NAALADL2: variants seen among roughly 807,000 people sequenced by gnomAD.
The protein encoded by NAALADL2 is inactive N-acetylated-alpha-linked acidic dipeptidase-like protein 2.
Under a neutral mutation model 87.2 loss-of-function variants are expected in NAALADL2, and 76 were observed. The ratio of observed to expected loss-of-function variants is 0.87; its 90% CI spans 0.72 to 1.05. NAALADL2 has a LOEUF of 1.05. Among genes scored for constraint, NAALADL2 ranks in the 50% least tolerant of loss-of-function variants. The pLI, the probability that NAALADL2 is intolerant of heterozygous loss-of-function variation, is 0.00. For synonymous variants in NAALADL2, 354 were observed against 331.0 expected (o/e 1.07, Z -0.75); for missense variants, 1,089 against 945.8 (o/e 1.15, Z -1.99).
intron 1 of NAALADL2, among the ~76,000 whole-genome samples, chr3:175,060,283 C>A (rs1713148003): frequency 6.6e-6 from 1 of 152,138 alleles, no homozygotes; most frequent in African/African-American, 2.4e-5. Context: ...TCCTATTTCA[C>A]TTATAAACAT....
At chr3:175,000,926 A>G (rs1363930240) in intron 1 of NAALADL2, among the ~76,000 whole-genome samples, 1 of 152,196 alleles carries the variant, frequency 6.6e-6, no homozygotes, top group East Asian at 1.9e-4. Flanking sequence ...AGAAGACAGG[A>G]AGCAATATGT....
intron 1 of NAALADL2, among the ~76,000 whole-genome samples, chr3:174,949,438 C>T (rs1739994933): frequency 6.6e-6 from 1 of 152,046 alleles, no homozygotes; most frequent in Non-Finnish European, 1.5e-5. Context: ...GGTAGAGTGT[C>T]AAAGTCACAC....
intron 2 of NAALADL2, among the ~76,000 whole-genome samples, chr3:174,647,004 A>G (rs1368529177): frequency 6.6e-6 from 1 of 152,036 alleles, no homozygotes; most frequent in East Asian, 1.9e-4. Context: ...TTCTTTTCCT[A>G]CTAATTAGTC....
chr3:174,521,529 G>A (rs1258136505), intron 1 of NAALADL2, among the ~76,000 whole-genome samples: 27 of 133,624 alleles, frequency 2.0e-4, no homozygotes, highest in African/African-American at 7.2e-4. Context: ...CCAAGATCGT[G>A]CCACTGCACT....
chr3:175,118,534 A>G (rs1456615790), intron 2 of NAALADL2, among the ~76,000 whole-genome samples: 1 of 151,836 alleles, frequency 6.6e-6, no homozygotes, highest in Non-Finnish European at 1.5e-5. Context: ...TAAACAAACC[A>G]TTAAATTGTG....
At chr3:174,797,057 A>G (rs1459883371) in intron 3 of NAALADL2, among the ~76,000 whole-genome samples, 1 of 152,066 alleles carries the variant, frequency 6.6e-6, no homozygotes, top group African/African-American at 2.4e-5. Context: ...AGAGTTCTTC[A>G]TAGATTTTCT....
intron 1 of NAALADL2, among the ~76,000 whole-genome samples, chr3:174,934,081 A>C (rs1357568485): frequency 6.6e-6 from 1 of 152,182 alleles, no homozygotes; most frequent in African/African-American, 2.4e-5. Flanking sequence ...GCTGTGTCCA[A>C]CACACAAGTT....
At chr3:174,618,103 C>G (rs1720649118) in intron 2 of NAALADL2, among the ~76,000 whole-genome samples, 1 of 151,608 alleles carries the variant, frequency 6.6e-6, no homozygotes, top group Non-Finnish European at 1.5e-5. Context: ...TTCTTGGATG[C>G]CTTTTAAGAA....
intron 1 of NAALADL2, among the ~76,000 whole-genome samples, chr3:174,942,685 T>C (rs55934010): frequency 0.13 from 20,069 of 152,180 alleles, 2,771 homozygotes; most frequent in African/African-American, 0.36. Flanking sequence ...TTCATATATT[T>C]AGCCTCTTTA....
Position 175,001,341 on chromosome 3 carries a change from C to T in NAALADL2, c.44-95449C>T, listed in dbSNP as rs187393818. 1.3e-3 allele frequency among the ~76,000 whole-genome samples: 192 copies of T among 152,022 alleles called. 3 individuals are homozygous for T. The East Asian group carries it at 0.035, about 27-fold the overall frequency. ...TTTGAGTAGCAAAGTATCCTTGCCCCATCTTGGGGCTCACTCCAGATCTCA... is the reference window on the plus strand; with the variant it reads ...TTTGAGTAGCAAAGTATCCTTGCCCTATCTTGGGGCTCACTCCAGATCTCA... On this transcript the variant is annotated intron_variant, in intron 1 of 13. Transcript: ENST00000454872.
chr3:175,099,825 A>G (rs1442870839), intron 2 of NAALADL2, among the ~76,000 whole-genome samples: 1 of 152,144 alleles, frequency 6.6e-6, no homozygotes, highest in Non-Finnish European at 1.5e-5. Context: ...AATGGACTAA[A>G]CTTGTTTGTC....
intron 13 of NAALADL2, among the ~76,000 whole-genome samples, chr3:175,779,317 G>A (rs1750692965): frequency 6.6e-6 from 1 of 152,138 alleles, no homozygotes; most frequent in Non-Finnish European, 1.5e-5. Context: ...TGGGGGCAGT[G>A]TATTTTGATC....
intron 3 of NAALADL2, among the ~76,000 whole-genome samples, chr3:174,742,277 T>C (rs1314476278): frequency 3.3e-5 from 5 of 151,724 alleles, no homozygotes; most frequent in Admixed American, 6.6e-5. Flanking sequence ...CTCGGGATGT[T>C]CACTGTCTAG....
intron 2 of NAALADL2, among the ~76,000 whole-genome samples, chr3:175,173,782 T>TCA (rs2108932328): frequency 6.6e-6 from 1 of 152,236 alleles, no homozygotes; most frequent in East Asian, 1.9e-4. Flanking sequence ...TCCATCTTTC[T>TCA]GTCTTCCATG....
intron 10 of NAALADL2, among the ~76,000 whole-genome samples, chr3:175,600,472 C>T (rs1722804261): frequency 7.0e-6 from 1 of 143,082 alleles, no homozygotes; most frequent in Non-Finnish European, 1.5e-5. Flanking sequence ...GAGCATTTTT[C>T]CTTACTGGTG....
intron 11 of NAALADL2, among the ~76,000 whole-genome samples, chr3:175,642,972 A>G (rs1233224679): frequency 1.3e-5 from 2 of 152,224 alleles, no homozygotes; most frequent in Non-Finnish European, 2.9e-5. Context: ...CAAGATAAGC[A>G]CAGTAAACAA....
chr3:174,993,481 A>G (rs959855861), intron 1 of NAALADL2, among the ~76,000 whole-genome samples: 4 of 152,084 alleles, frequency 2.6e-5, no homozygotes, highest in African/African-American at 9.7e-5. Flanking sequence ...TGTAATTAAA[A>G]TAAATATTAT....
intron 3 of NAALADL2, among the ~76,000 whole-genome samples, chr3:174,767,229 G>A (rs9870338): frequency 0.24 from 35,892 of 151,988 alleles, 4,435 homozygotes; most frequent in Middle Eastern, 0.3. Flanking sequence ...GCACAGAGTC[G>A]ATTTAATAAT....
rs1452398176 is a variant in NAALADL2 at position 175,394,078 on chromosome 3, A to G, written c.1091-53151A>G. On this transcript the variant is annotated intron_variant, in intron 5 of 13. Transcript: ENST00000454872. ...TAAGGCATTTTTGAAGAAGTCCAAG[A>G]AGCAGATAGCCAATATACTCTTTGC... 2.0e-5 allele frequency among the ~76,000 whole-genome samples: 3 copies of G among 151,910 alleles called. No homozygotes were observed. The East Asian group carries it at 5.8e-4, about 29-fold the overall frequency.
Sources: allele counts gnomAD v4.1 joint callset (sites outside exome capture counted in the v4.1 genomes callset), GRCh38; gene constraint gnomAD v4.1.1; transcripts MANE v1.5; gene names NCBI Gene and HGNC (gene_info 2026-07-23, HGNC 2026-07-21).